UBE3D: variants seen among roughly 807,000 people sequenced by gnomAD.
UBE3D encodes the protein ubiquitin protein ligase E3D.
UBE3D carries 48 observed loss-of-function variants against 49.6 expected under a neutral mutation model. The observed-to-expected ratio is 0.97, with a 90% CI of 0.77 to 1.23. The LOEUF (loss-of-function observed/expected upper bound fraction) is 1.23. UBE3D is among the 50% of genes most tolerant of loss of function. The pLI, the probability that UBE3D is intolerant of heterozygous loss-of-function variation, is 0.00. For synonymous variants in UBE3D, 189 were observed against 174.2 expected (o/e 1.08, Z -0.67); for missense variants, 452 against 468.4 (o/e 0.96, Z 0.32).
At chr6:83,061,314 T>C (rs1207299202) in intron 1 of UBE3D, among the ~76,000 whole-genome samples, 1 of 152,224 alleles carries the variant, frequency 6.6e-6, no homozygotes, top group Non-Finnish European at 1.5e-5. Flanking sequence ...AATGCCTTAT[T>C]CTGAACTGGA....
chr6:83,038,994 A>C (rs1379153168), intron 4 of UBE3D, among the ~76,000 whole-genome samples: 2 of 152,216 alleles, frequency 1.3e-5, no homozygotes, highest in Admixed American at 1.3e-4. Flanking sequence ...ATATACTTCC[A>C]TTTTTTCCAC....
rs184312201 is a variant in UBE3D, at chr6:82,950,701, C to T, written c.1149+6611G>A. On this transcript the variant is annotated intron_variant, in intron 9 of 9. Transcript: ENST00000369747. ...ACGAGAGCCAAGATTTGGAAGCAACCGAAGTGTCCATCAACAGATGAATGA... is the reference window on the plus strand; with the variant it reads ...ACGAGAGCCAAGATTTGGAAGCAACTGAAGTGTCCATCAACAGATGAATGA... Among the ~76,000 whole-genome samples the T allele has an allele frequency of 5.9e-5, 9 of 152,186 alleles. No individual in the cohort carries two copies. The East Asian group carries it at 1.4e-3, about 23-fold the overall frequency.
chr6:83,038,730 T>C (rs1782443729), intron 4 of UBE3D, among the ~76,000 whole-genome samples: 1 of 152,202 alleles, frequency 6.6e-6, no homozygotes, highest in African/African-American at 2.4e-5. Context: ...AGTCCAAAAG[T>C]TGCCAAATAA....
intron 5 of UBE3D, among the ~76,000 whole-genome samples, chr6:83,031,586 A>G (rs1407056927): frequency 6.6e-6 from 1 of 152,158 alleles, no homozygotes; most frequent in Non-Finnish European, 1.5e-5. Flanking sequence ...TGGATTTCGG[A>G]CTTCCATGGG....
chr6:82,941,528 GTCTA>G (rs34455972), intron 9 of UBE3D, among the ~76,000 whole-genome samples: 99,583 of 151,392 alleles, frequency 0.66, 33,468 homozygotes, highest in East Asian at 0.79. Context: ...CCAGGCCTCT[GTCTA>G]TCTATTTCTA....
intron 5 of UBE3D, among the ~76,000 whole-genome samples, chr6:83,025,882 T>TAAA (rs70987730): frequency 2.2e-5 from 2 of 90,318 alleles, no homozygotes; most frequent in African/African-American, 4.3e-5. Flanking sequence ...GACTCCATCT[T>TAAA]AAAAAAAAAA....
At chr6:82,910,838 T>C (rs1261916898) in intron 9 of UBE3D, among the ~76,000 whole-genome samples, 3 of 152,200 alleles carry the variant, frequency 2.0e-5, no homozygotes, top group African/African-American at 7.2e-5. Context: ...GTGAAGATTG[T>C]TCTGAGTGTT....
intron 8 of UBE3D, among the ~76,000 whole-genome samples, chr6:82,986,655 C>T (rs912996443): frequency 1.4e-5 from 2 of 146,920 alleles, no homozygotes; most frequent in African/African-American, 5.0e-5. Flanking sequence ...ATATATTTTA[C>T]ACATATGTAT....
rs892993753 is a variant in UBE3D, at chr6:82,920,559, CA to C, written c.1150-27518del. Among the ~76,000 whole-genome samples, 9 of 152,264 alleles carry C rather than the reference CA, an allele frequency of 5.9e-5. No homozygotes were observed. The Middle Eastern group carries it at 0.014, about 230-fold the overall frequency. ...TACCTGTTCATTGTGTGACCTTGGG[CA>C]AGTGATATGAACCTCTCCAAAGTTT... is the stretch of plus-strand genomic sequence containing the variant. On this transcript the variant is annotated intron_variant, in intron 9 of 9. Transcript: ENST00000369747.
chr6:82,957,655 C>A (rs571690454), intron 8 of UBE3D, among the ~76,000 whole-genome samples: 3 of 152,252 alleles, frequency 2.0e-5, no homozygotes, highest in South Asian at 4.1e-4. Context: ...GGCAATTTTT[C>A]AGGCCATCAT....
chr6:82,922,617 A>G (rs1489344957), intron 9 of UBE3D, among the ~76,000 whole-genome samples: 1 of 151,930 alleles, frequency 6.6e-6, no homozygotes, highest in Non-Finnish European at 1.5e-5. Context: ...AAGACCTAGG[A>G]CCATAAAAAT....
intron 8 of UBE3D, among the ~76,000 whole-genome samples, chr6:82,994,885 A>G (rs974608248): frequency 1.3e-5 from 2 of 152,212 alleles, no homozygotes; most frequent in Non-Finnish European, 2.9e-5. Flanking sequence ...GAATTTGAGA[A>G]GTTAGTGTGA....
intron 8 of UBE3D, among the ~76,000 whole-genome samples, chr6:82,985,410 T>TG (rs1026142802): frequency 6.6e-6 from 1 of 152,136 alleles, no homozygotes; most frequent in African/African-American, 2.4e-5. Flanking sequence ...TTGCCCAGGC[T>TG]GGAGTGCAGT....
intron 8 of UBE3D, among the ~76,000 whole-genome samples, 158 bp from the exon 9 acceptor site, chr6:82,957,608 G>A (rs1776255999): frequency 6.6e-6 from 1 of 152,132 alleles, no homozygotes; most frequent in Admixed American, 6.5e-5. Flanking sequence ...TGTCCAAGAC[G>A]TTTTTATGGT....
intron 5 of UBE3D, among the ~76,000 whole-genome samples, chr6:83,034,234 A>T (rs1324402823): frequency 6.6e-6 from 1 of 152,170 alleles, no homozygotes; most frequent in Non-Finnish European, 1.5e-5. Flanking sequence ...ACCACCCCAC[A>T]CACAAACTCA....
At chr6:82,956,533 G>A (rs565685335) in intron 9 of UBE3D, among the ~76,000 whole-genome samples, 2 of 152,250 alleles carry the variant, frequency 1.3e-5, no homozygotes, top group East Asian at 1.9e-4. Flanking sequence ...AGGAGAGAGA[G>A]GGAAATGGCT....
In UBE3D at chr6:82,892,927, C is replaced by A; in HGVS notation, c.*95G>T. The A allele has an allele frequency of 2.1e-6, 3 of 1,425,888 alleles. No individual in the cohort carries two copies. In the South Asian group the frequency reaches 3.4e-5, roughly 16 times the overall value. The allele number at this position is 1,425,888 out of a possible 1,614,324, so 88.3% of individuals were successfully genotyped here. On this transcript the variant is annotated 3_prime_UTR_variant, in exon 10 of 10. Coordinates refer to ENST00000369747, the MANE Select transcript of UBE3D (RefSeq NM_198920.3). ...CTTATCCCATAGCTCTGGTTCTTGT[C>A]TTTGTAATTGATGCCTCCTGAGCTG...
downstream of UBE3D, among the ~76,000 whole-genome samples, chr6:82,887,711 C>CAAAAAA (rs898209606): frequency 4.7e-5 from 7 of 147,536 alleles, no homozygotes; most frequent in African/African-American, 7.5e-5. Flanking sequence ...TCCATCCCCC[C>CAAAAAA]AAAAAAAAAG....
chr6:82,991,750 C>G (rs1412232195), intron 8 of UBE3D, among the ~76,000 whole-genome samples: 1 of 152,044 alleles, frequency 6.6e-6, no homozygotes, highest in Admixed American at 6.5e-5. Context: ...TTAAGATTTA[C>G]TTTCTTAACT....
Sources: allele counts gnomAD v4.1 joint callset (sites outside exome capture counted in the v4.1 genomes callset), GRCh38; gene constraint gnomAD v4.1.1; transcripts MANE v1.5; gene names NCBI Gene and HGNC (gene_info 2026-07-23, HGNC 2026-07-21).